XKR4: variants seen among roughly 807,000 people sequenced by gnomAD.
The protein encoded by XKR4 is XK-related protein 4.
In XKR4, 12 loss-of-function variants were observed where a neutral mutation model predicts 53.9. The ratio of observed to expected loss-of-function variants is 0.22; its 90% CI spans 0.14 to 0.36. XKR4 has a LOEUF of 0.36. Among genes scored for constraint, XKR4 ranks in the 10% least tolerant of loss-of-function variants. The probability of loss-of-function intolerance (pLI) is 1.00; values close to 1 mark genes in which losing one functional copy is unlikely to be tolerated. For synonymous variants in XKR4, 354 were observed against 362.4 expected (o/e 0.98, Z 0.26); for missense variants, 799 against 859.5 (o/e 0.93, Z 0.88).
chr8:55,264,754 C>CATCA (rs1818574683), intron 1 of XKR4, among the ~76,000 whole-genome samples: 2 of 152,194 alleles, frequency 1.3e-5, no homozygotes, highest in Non-Finnish European at 2.9e-5. Context: ...AATTGCAATG[C>CATCA]ATCAATATGG....
chr8:55,199,817 A>G (rs894332626), intron 1 of XKR4, among the ~76,000 whole-genome samples: 1 of 152,248 alleles, frequency 6.6e-6, no homozygotes, highest in African/African-American at 2.4e-5. Flanking sequence ...CGTGACAGAT[A>G]CTGTGTTATG....
chr8:55,235,019 C>T (rs1818099753), intron 1 of XKR4, among the ~76,000 whole-genome samples: 1 of 152,206 alleles, frequency 6.6e-6, no homozygotes, highest in Admixed American at 6.5e-5. Context: ...ACAATAACAA[C>T]TTATTCTTTC....
chr8:55,361,191 C>T (rs1034474924), intron 2 of XKR4, among the ~76,000 whole-genome samples: 1 of 152,150 alleles, frequency 6.6e-6, no homozygotes, highest in Non-Finnish European at 1.5e-5. Context: ...CACTGTACTT[C>T]CAGAGAGTTT....
intron 2 of XKR4, among the ~76,000 whole-genome samples, chr8:55,518,006 G>A (rs1180312801): frequency 6.6e-6 from 1 of 152,186 alleles, no homozygotes; most frequent in Non-Finnish European, 1.5e-5. Flanking sequence ...GCAAACTTTG[G>A]CTTGCCTGTC....
chr8:55,164,789 TACACAC>T (rs3048687), intron 1 of XKR4: 109 of 166,988 alleles, frequency 6.5e-4, no homozygotes, highest in South Asian at 1.9e-3. Flanking sequence ...CACACACACA[TACACAC>T]ACACACACAC....
chr8:55,124,659 T>G (rs544947426), intron 1 of XKR4, among the ~76,000 whole-genome samples: 1 of 152,238 alleles, frequency 6.6e-6, no homozygotes, highest in African/African-American at 2.4e-5. Context: ...CCATGGTTTT[T>G]GCTGTTTTCT....
intron 1 of XKR4, among the ~76,000 whole-genome samples, chr8:55,153,208 T>A (rs1816862378): frequency 6.6e-6 from 1 of 152,026 alleles, no homozygotes; most frequent in Non-Finnish European, 1.5e-5. Context: ...ATTGGACGAG[T>A]TGTTTGTGTT....
Position 55,239,239 on chromosome 8 carries a change from A to G in XKR4, c.807-118439A>G, listed in dbSNP as rs1035465988. On this transcript the variant is annotated intron_variant, in intron 1 of 2. Coordinates refer to ENST00000327381, the MANE Select transcript of XKR4 (RefSeq NM_052898.2). ...CTTCACCATTCTGTGTTAGGTAGAG[A>G]TGTCATGAATTTGTGTCACTTTATA... 4.6e-5 allele frequency among the ~76,000 whole-genome samples: 7 copies of G among 152,324 alleles called. No homozygotes were observed. In the East Asian group the frequency reaches 9.6e-4, roughly 21 times the overall value.
intron 1 of XKR4, chr8:55,135,685 G>T (rs1349057333): frequency 6.6e-6 from 3 of 455,898 alleles, no homozygotes; most frequent in Non-Finnish European, 1.3e-5. Context: ...AGTCAAAGCT[G>T]AGATTTTCCA....
intron 1 of XKR4, among the ~76,000 whole-genome samples, chr8:55,335,583 C>T (rs1351212354): frequency 1.3e-5 from 2 of 152,076 alleles, no homozygotes; most frequent in Non-Finnish European, 2.9e-5. Flanking sequence ...GTTATTTATT[C>T]CAGTGAAAGG....
chr8:55,241,876 G>A (rs1818214962), intron 1 of XKR4, among the ~76,000 whole-genome samples: 1 of 152,092 alleles, frequency 6.6e-6, no homozygotes, highest in Admixed American at 6.5e-5. Flanking sequence ...GATGACAAGT[G>A]TACAGATTAA....
chr8:55,412,467 T>C (rs987591230), intron 2 of XKR4, among the ~76,000 whole-genome samples: 1 of 152,162 alleles, frequency 6.6e-6, no homozygotes, highest in Non-Finnish European at 1.5e-5. Context: ...AAGGCTGACA[T>C]CCAGGGTCCC....
In XKR4 at chr8:55,523,325, G is replaced by A; in HGVS notation, c.1051G>A (p.Ala351Thr). The A allele has an allele frequency of 6.2e-7, 1 of 1,613,842 alleles. No individual in the cohort carries two copies. The highest frequency in any genetic ancestry group is 8.5e-7 in the Non-Finnish European group (1 of 1,179,832). ...CCTCGTGTCCCTGGCCTGGGCCTTG[G>A]CCTCCTACCAGAAGGCCCTCCGGGA... Reference protein sequence around the residue: ...ASLVSLAWALASYQKALRDSR... With the variant: ...ASLVSLAWALTSYQKALRDSR... The change falls in exon 3 of 3, where the codon GCC (alanine) becomes ACC (threonine). Residue 351 changes from alanine (A) to threonine (T), a missense_variant. By Grantham distance (58) the Ala-to-Thr change is moderately conservative. Transcript: ENST00000327381.
At chr8:55,451,563 C>A in intron 2 of XKR4, 1 of 1,135,132 alleles carries the variant, frequency 8.8e-7, no homozygotes, top group South Asian at 1.4e-5. Context: ...CAGAATGCAG[C>A]AGTACTGCCT....
At chr8:55,110,849 C>T (rs1476800435) in intron 1 of XKR4, among the ~76,000 whole-genome samples, 1 of 152,126 alleles carries the variant, frequency 6.6e-6, no homozygotes, top group African/African-American at 2.4e-5. Context: ...TCCACTGTTA[C>T]TACCACCACC....
Position 55,532,862 on chromosome 8 carries a change from C to G in XKR4, c.*8635C>G, listed in dbSNP as rs918507710. 6.6e-6 allele frequency: 1 copy of G among 150,434 alleles called. No individual in the cohort carries two copies. Among genetic ancestry groups the G allele is most frequent in the African/African-American group, 2.4e-5 (1 of 40,842 alleles). 9.3% of individuals were successfully genotyped at this position (150,434 alleles called of 1,614,324 possible). A position where few individuals can be genotyped will look rare whatever the true frequency, so the allele number is the denominator to read the frequency against. ...AAAGTTTTATGTTTTTATTATATTT[C>G]CATCTACCAAATTGTTGACCTTCTC... On this transcript the variant is annotated 3_prime_UTR_variant, in exon 3 of 3. Transcript: ENST00000327381.
intron 1 of XKR4, among the ~76,000 whole-genome samples, chr8:55,309,303 G>A (rs919808870): frequency 3.3e-5 from 5 of 152,124 alleles, no homozygotes; most frequent in Admixed American, 3.3e-4. Flanking sequence ...AAAAAACCCA[G>A]CCCTGAAAGA....
In XKR4 at chr8:55,379,350, A is replaced by G. The variant is rs570658627; in HGVS notation, c.1006+21473A>G. On this transcript the variant is annotated intron_variant, in intron 2 of 2. Transcript: ENST00000327381. ...AAAAAATTACCAAATTTACCAAATT[A>G]CAAAAAAATACCTCTACTTTTCAGG... 2.6e-5 allele frequency among the ~76,000 whole-genome samples: 4 copies of G among 152,360 alleles called. No individual in the cohort carries two copies. In the East Asian group the frequency reaches 7.7e-4, roughly 29 times the overall value.
intron 1 of XKR4, among the ~76,000 whole-genome samples, chr8:55,356,355 A>G (rs1005462831): frequency 2.6e-5 from 4 of 152,196 alleles, no homozygotes; most frequent in African/African-American, 9.7e-5. Context: ...AGAAAACACA[A>G]AGGATAGATA....
Sources: allele counts gnomAD v4.1 joint callset (sites outside exome capture counted in the v4.1 genomes callset), GRCh38; gene constraint gnomAD v4.1.1; transcripts MANE v1.5; gene names NCBI Gene and HGNC (gene_info 2026-07-23, HGNC 2026-07-21).